ANKRD30A: variants seen among roughly 807,000 people sequenced by gnomAD.
The protein encoded by ANKRD30A is ankyrin repeat domain-containing protein 30A.
In ANKRD30A, 170 loss-of-function variants were observed where a neutral mutation model predicts 166.3. The observed-to-expected ratio is 1.02, with a 90% CI of 0.90 to 1.16. The LOEUF (loss-of-function observed/expected upper bound fraction) is 1.16, where lower values mean the gene tolerates loss of function less well. Among genes scored for constraint, ANKRD30A ranks in the 50% most tolerant of loss-of-function variants. The pLI, the probability that ANKRD30A is intolerant of heterozygous loss-of-function variation, is 0.00. For missense variants in ANKRD30A, 1,630 were observed against 1,518.0 expected (o/e 1.07, Z -1.23); for synonymous variants, 564 against 508.9 (o/e 1.11, Z -1.46).
chr10:37,202,304 A>G (rs1436445991), intron 31 of ANKRD30A, among the ~76,000 whole-genome samples: 1 of 152,194 alleles, frequency 6.6e-6, no homozygotes, highest in Non-Finnish European at 1.5e-5. Flanking sequence ...ACCACAGTGC[A>G]ATAAAACTAG....
intron 31 of ANKRD30A, among the ~76,000 whole-genome samples, chr10:37,211,032 G>T (rs1026191545): frequency 6.6e-6 from 1 of 151,952 alleles, no homozygotes; most frequent in African/African-American, 2.4e-5. Context: ...TAGTCATGAA[G>T]TCTTTCCCAT....
intron 30 of ANKRD30A, among the ~76,000 whole-genome samples, 190 bp from the exon 31 acceptor site, chr10:37,201,045 C>A (rs1355527679): frequency 6.6e-6 from 1 of 151,830 alleles, no homozygotes; most frequent in Non-Finnish European, 1.5e-5. Flanking sequence ...ACATAAAGAT[C>A]AGCTTGATGT....
rs368742296 is a variant in ANKRD30A, at chr10:37,147,439, A to G, written c.1525A>G (p.Ile509Val). ...PESIYQKVME[I>V]NREVEEPPKK... ...GTCTATATATCAAAAAGTAATGGAG[A>G]TAAATAGAGAAGTAGAAGGTAAGAA... is the stretch of plus-strand genomic sequence containing the variant. The change falls in exon 9 of 36, where the codon ATA becomes GTA. Residue 509 changes from isoleucine (I) to valine (V), a missense_variant. Around this residue, in one of 4 missense-constraint regions of ANKRD30A, gnomAD observed 904 missense variants for 818.5 expected, o/e 1.10. Coordinates refer to ENST00000361713, the MANE Select transcript of ANKRD30A (RefSeq NM_052997.3). 147 of 1,584,784 alleles carry G rather than the reference A, an allele frequency of 9.3e-5. No homozygotes were observed. The African/African-American group carries it at 1.2e-3, about 13-fold the overall frequency.
chr10:37,204,604 C>A (rs546462768), intron 31 of ANKRD30A, among the ~76,000 whole-genome samples: 1 of 152,170 alleles, frequency 6.6e-6, no homozygotes, highest in African/African-American at 2.4e-5. Flanking sequence ...CAACAAAAGC[C>A]AAAATTGACA....
the ANKRD30A span, among the ~76,000 whole-genome samples, chr10:37,263,568 T>C: frequency 6.6e-6 from 1 of 151,808 alleles, no homozygotes; most frequent in Non-Finnish European, 1.5e-5. Flanking sequence ...ACACGCAACC[T>C]AGGTCCTTCG....
At chr10:37,155,328 G>A (rs994453209) in intron 13 of ANKRD30A, among the ~76,000 whole-genome samples, 2 of 152,126 alleles carry the variant, frequency 1.3e-5, no homozygotes, top group Admixed American at 6.5e-5. Context: ...TTACAAAAAT[G>A]TTGGCATACT....
In ANKRD30A at chr10:37,162,862, T is replaced by A; in HGVS notation, c.2002+14T>A. The A allele has an allele frequency of 1.9e-6, 3 of 1,611,138 alleles. No homozygotes were observed. Among genetic ancestry groups the A allele is most frequent in the Non-Finnish European group, 2.5e-6 (3 of 1,177,870 alleles). ...CATTGAGAGCAGGTAAATTTTTCAATGTAACTATGGAAAGACCAATATTTC... is the reference window on the plus strand; with the variant it reads ...CATTGAGAGCAGGTAAATTTTTCAAAGTAACTATGGAAAGACCAATATTTC... On this transcript the variant is annotated intron_variant, in intron 17 of 35. Coordinates refer to ENST00000361713, the MANE Select transcript of ANKRD30A (RefSeq NM_052997.3).
chr10:37,239,313 T>C, the ANKRD30A span, among the ~76,000 whole-genome samples: 6 of 152,164 alleles, frequency 3.9e-5, no homozygotes, highest in Admixed American at 2.6e-4. Context: ...GTTCTACCTA[T>C]ATTTATCCTT....
chr10:37,197,659 T>TC (rs1841248562), intron 29 of ANKRD30A, among the ~76,000 whole-genome samples, 179 bp downstream of exon 29: 1 of 151,560 alleles, frequency 6.6e-6, no homozygotes, highest in Non-Finnish European at 1.5e-5. Flanking sequence ...ATTTTCAATA[T>TC]TTTTTTTAAA....
At chr10:37,232,697 T>TATATATATATATATATATAGAG (rs1273812991), downstream of ANKRD30A, 1 of 78,400 alleles carries the variant, frequency 1.3e-5, no homozygotes, top group Non-Finnish European at 2.4e-5. Context: ...TATATATAAA[T>TATATATATATATATATATAGAG]AGAGAGAGAG....
intron 29 of ANKRD30A, among the ~76,000 whole-genome samples, chr10:37,198,898 G>C (rs923774946): frequency 2.0e-5 from 3 of 152,018 alleles, no homozygotes; most frequent in Admixed American, 1.3e-4. Context: ...TGCTGATAAA[G>C]AAACTTCAAC....
At chr10:37,255,644 C>T in the ANKRD30A span, among the ~76,000 whole-genome samples, 1 of 152,122 alleles carries the variant, frequency 6.6e-6, no homozygotes, top group African/African-American at 2.4e-5. Context: ...CCCCATTCTC[C>T]CTTTCCTCCC....
At chr10:37,162,710 T>G in intron 16 of ANKRD30A, 33 bp downstream of exon 16, 1 of 1,613,058 alleles carries the variant, frequency 6.2e-7, no homozygotes, top group South Asian at 1.1e-5. Context: ...TTTGAATGAC[T>G]TATTATCTAT....
At chr10:37,143,458 A>T (rs180970010) in intron 7 of ANKRD30A, among the ~76,000 whole-genome samples, 94 of 152,304 alleles carry the variant, frequency 6.2e-4, no homozygotes, top group Non-Finnish European at 1.2e-3. Flanking sequence ...GTTCGAGAAC[A>T]GTCTGGCCAA....
chr10:37,165,076 G>C lies in ANKRD30A; in HGVS notation c.2003-18G>C. 6.2e-7 allele frequency: 1 copy of C among 1,600,282 alleles called. No homozygotes were observed. The highest frequency in any genetic ancestry group is 8.6e-7 in the Non-Finnish European group (1 of 1,168,124). On this transcript the variant is annotated intron_variant, in intron 17 of 35. Transcript: ENST00000361713. ...GAGAACTGTGCTCATGAATGTATCT[G>C]TGATTAACCTTTTATAGATGAGATA...
At chr10:37,262,514 GT>G in the ANKRD30A span, 1 of 159,204 alleles carries the variant, frequency 6.3e-6, no homozygotes. Flanking sequence ...CAGAAAGCTG[GT>G]TTTGAGACTG....
chr10:37,199,840 C>T (rs1297049903), intron 30 of ANKRD30A, 52 bp downstream of exon 30: 1 of 1,142,838 alleles, frequency 8.8e-7, no homozygotes, highest in African/African-American at 1.6e-5. Context: ...GATATGAAAA[C>T]ATAAAATCAG....
the ANKRD30A span, among the ~76,000 whole-genome samples, chr10:37,265,060 C>T: frequency 5.3e-5 from 8 of 152,186 alleles, no homozygotes; most frequent in Non-Finnish European, 1.0e-4. Context: ...TCTGCTGAGT[C>T]ATCTGTGGAA....
downstream of ANKRD30A, among the ~76,000 whole-genome samples, chr10:37,232,891 T>TAA (rs142064765): frequency 4.5e-4 from 57 of 127,406 alleles, 1 homozygote; most frequent in African/African-American, 8.6e-4. Flanking sequence ...TAGCCCCTGT[T>TAA]AAAAAAAAAA....
Sources: gnomAD v4.1 joint callset for allele counts (sites outside exome capture counted in the v4.1 genomes callset) on GRCh38, gnomAD v4.1.1 for gene constraint, gnomAD v4.1.1 regional missense constraint, MANE v1.5 for transcripts, NCBI Gene and HGNC (gene_info 2026-07-23, HGNC 2026-07-21) for gene names.